Variants in PCDHGB2 observed in about 807,000 individuals in gnomAD.
PCDHGB2 encodes protocadherin gamma subfamily B, 2, also known as protocadherin gamma-B2.
Under a neutral mutation model 59.3 loss-of-function variants are expected in PCDHGB2, and 55 were observed. The observed-to-expected ratio is 0.93, with a 90% CI of 0.75 to 1.16. The LOEUF (loss-of-function observed/expected upper bound fraction) is 1.16. Ranked by LOEUF, PCDHGB2 falls within the 50% of genes most tolerant of loss-of-function variation. The probability of loss-of-function intolerance (pLI) is 0.00; values close to 1 mark genes in which losing one functional copy is unlikely to be tolerated. For synonymous variants in PCDHGB2, 516 were observed against 512.0 expected (o/e 1.01, Z -0.11); for missense variants, 1,228 against 1,198.5 (o/e 1.02, Z -0.36).
chr5:141,468,599 G>C (rs1055715232), intron 1 of PCDHGB2: 7 of 152,236 alleles, frequency 4.6e-5, no homozygotes, highest in African/African-American at 1.4e-4. Flanking sequence ...GGGCGCGGTG[G>C]CTCACGCCTG....
chr5:141,472,263 C>T (rs978647191), intron 1 of PCDHGB2, among the ~76,000 whole-genome samples: 7 of 152,144 alleles, frequency 4.6e-5, no homozygotes, highest in South Asian at 2.1e-4. Flanking sequence ...ATATTATAGC[C>T]GGGCACAGTG....
intron 1 of PCDHGB2, among the ~76,000 whole-genome samples, chr5:141,449,674 TA>T (rs2154562752): frequency 6.6e-6 from 1 of 151,604 alleles, no homozygotes; most frequent in African/African-American, 2.4e-5. Context: ...AGTGTGTATG[TA>T]TATATGTTTG....
intron 1 of PCDHGB2, chr5:141,388,609 TCA>T: frequency 6.2e-7 from 1 of 1,613,926 alleles, no homozygotes; most frequent in Non-Finnish European, 8.5e-7. Flanking sequence ...GCTCCAGTGT[TCA>T]GTCAAGACGT....
intron 1 of PCDHGB2, chr5:141,416,530 G>C (rs976560428): frequency 6.6e-6 from 1 of 152,160 alleles, no homozygotes; most frequent in Non-Finnish European, 1.5e-5. Context: ...GCTCTTTAAT[G>C]TATAAGGAGG....
intron 1 of PCDHGB2, among the ~76,000 whole-genome samples, chr5:141,484,030 T>G (rs1290301073): frequency 6.6e-6 from 1 of 151,022 alleles, no homozygotes; most frequent in African/African-American, 2.4e-5. Flanking sequence ...TGAGATCAAG[T>G]CTCCAGCTCC....
intron 1 of PCDHGB2, 110 bp from the exon 2 acceptor site, chr5:141,494,697 T>C: frequency 6.3e-7 from 1 of 1,590,934 alleles, no homozygotes; most frequent in Non-Finnish European, 8.6e-7. Flanking sequence ...TAGTCCGTTT[T>C]CTTCTCTGTG....
intron 1 of PCDHGB2, among the ~76,000 whole-genome samples, chr5:141,435,770 C>G (rs1445835726): frequency 6.6e-6 from 1 of 152,070 alleles, no homozygotes; most frequent in Non-Finnish European, 1.5e-5. Context: ...TTGGTGAATT[C>G]TGTAAAGGTG....
chr5:141,489,470 T>C lies in PCDHGB2; in HGVS notation c.2422-5337T>C, dbSNP rs1030378524. 1 of 1,613,874 alleles carries C rather than the reference T, an allele frequency of 6.2e-7. No homozygotes were observed. The highest frequency in any genetic ancestry group is 8.5e-7 in the Non-Finnish European group (1 of 1,179,838). ...GAGGAGAATGGGCGCTATTTTTCCCTGAGCTTGATGAGTGGTGCCCTGGCA... is the reference window on the plus strand; with the variant it reads ...GAGGAGAATGGGCGCTATTTTTCCCCGAGCTTGATGAGTGGTGCCCTGGCA... On this transcript the variant is annotated intron_variant, in intron 1 of 3. Transcript: ENST00000522605. This position sits in a 1 kb window ranked among gnomAD's most constrained non-coding sequence, Gnocchi z 4.5.
chr5:141,372,935 T>C, intron 1 of PCDHGB2: 2 of 830,688 alleles, frequency 2.4e-6, no homozygotes, highest in Non-Finnish European at 3.6e-6. Context: ...TGGTGTAGAG[T>C]AGGGTGTCTA....
chr5:141,388,842 A>C, intron 1 of PCDHGB2: 1 of 1,614,014 alleles, frequency 6.2e-7, no homozygotes, highest in Non-Finnish European at 8.5e-7. Flanking sequence ...TTTGGAAGCA[A>C]GGGACGGTGG....
At chr5:141,502,406 T>G (rs1390520101) in intron 2 of PCDHGB2, among the ~76,000 whole-genome samples, 1 of 152,072 alleles carries the variant, frequency 6.6e-6, no homozygotes, top group African/African-American at 2.4e-5. Context: ...TCCCCGAACC[T>G]GGATTTGCTG....
At chr5:141,415,314 C>A (rs375384840) in intron 1 of PCDHGB2, 1 of 1,614,238 alleles carries the variant, frequency 6.2e-7, no homozygotes, top group Non-Finnish European at 8.5e-7. Context: ...CCTTCGTCAT[C>A]GTGCTGCTGG....
chr5:141,403,370 G>T (rs752870915), intron 1 of PCDHGB2: 25 of 1,614,064 alleles, frequency 1.5e-5, no homozygotes, highest in Non-Finnish European at 1.9e-5. Flanking sequence ...AAGTCTGGAA[G>T]TAAAAATTAA....
At position 141,403,415 on chromosome 5, in the gene PCDHGB2, C is replaced by T. The variant is rs770058522; in HGVS notation, c.2421+40859C>T. 6.8e-6 allele frequency: 11 copies of T among 1,614,046 alleles called. No individual in the cohort carries two copies. The South Asian group carries it at 1.2e-4, about 18-fold the overall frequency. ...GGTTCCTGGAGCACGTTATCCACTT[C>T]CAGAAGCTATTGATCCGGATGTTGG... On this transcript the variant is annotated intron_variant, in intron 1 of 3. Coordinates refer to ENST00000522605, the MANE Select transcript of PCDHGB2 (RefSeq NM_018923.3).
chr5:141,494,439 C>T (rs1009257996), intron 1 of PCDHGB2, among the ~76,000 whole-genome samples: 1 of 152,126 alleles, frequency 6.6e-6, no homozygotes, highest in Non-Finnish European at 1.5e-5. Flanking sequence ...CCTCCTTTGC[C>T]ACTTTAGGGG....
rs549955923 is a variant in PCDHGB2, at chr5:141,409,897, A to G, written c.2421+47341A>G. 8.7e-6 allele frequency: 14 copies of G among 1,613,204 alleles called. No individual in the cohort carries two copies. The South Asian group carries it at 1.3e-4, about 15-fold the overall frequency. On this transcript the variant is annotated intron_variant, in intron 1 of 3. Coordinates refer to ENST00000522605, the MANE Select transcript of PCDHGB2 (RefSeq NM_018923.3). ...ACAACGCACCGCGGGTGCTGTACCC[A>G]GCTCTGGGTCCTGACGGCTCCGCGT...
intron 1 of PCDHGB2, chr5:141,391,730 G>T (rs1334378138): frequency 1.3e-5 from 2 of 152,140 alleles, no homozygotes; most frequent in African/African-American, 4.8e-5. Flanking sequence ...AGACTTTTTT[G>T]TAGTCATACT....
intron 1 of PCDHGB2, chr5:141,418,551 T>A (rs766987131): frequency 1.2e-6 from 2 of 1,614,026 alleles, no homozygotes; most frequent in South Asian, 2.2e-5. Context: ...ATAAGAATCC[T>A]GGTAATAGAT....
intron 1 of PCDHGB2, among the ~76,000 whole-genome samples, chr5:141,444,241 G>A (rs1302797543): frequency 3.1e-5 from 4 of 130,308 alleles, no homozygotes; most frequent in Admixed American, 1.9e-4. Flanking sequence ...GCATGCTCTC[G>A]GCTCACTGCA....
Sources: gnomAD v4.1 joint callset for allele counts (sites outside exome capture counted in the v4.1 genomes callset) on GRCh38, gnomAD v4.1.1 for gene constraint, Gnocchi (gnomAD v3.1) non-coding constraint, MANE v1.5 for transcripts, NCBI Gene and HGNC (gene_info 2026-07-23, HGNC 2026-07-21) for gene names.